Variants in SEMA3E observed in about 807,000 individuals in gnomAD.
SEMA3E encodes semaphorin 3E.
Under a neutral mutation model 93.6 loss-of-function variants are expected in SEMA3E, and 49 were observed. The observed-to-expected ratio is 0.52, with a 90% confidence interval of 0.42 to 0.66. The LOEUF (loss-of-function observed/expected upper bound fraction) is 0.66, where lower values mean the gene tolerates loss of function less well. Ranked by LOEUF, SEMA3E falls within the 30% of genes least tolerant of loss-of-function variation. The probability of loss-of-function intolerance (pLI) is 0.00; values close to 1 mark genes in which losing one functional copy is unlikely to be tolerated. For synonymous variants in SEMA3E, 363 were observed against 330.7 expected (o/e 1.10, Z -1.06); for missense variants, 906 against 964.8 (o/e 0.94, Z 0.81).
intron 4 of SEMA3E, among the ~76,000 whole-genome samples, chr7:83,430,987 AAAGG>A (rs1444750854): frequency 6.6e-6 from 1 of 152,120 alleles, no homozygotes; most frequent in Non-Finnish European, 1.5e-5. Context: ...ACAAAATAGA[AAAGG>A]AAGTGGCCAC....
chr7:83,624,055 C>T (rs1385583144), intron 1 of SEMA3E, among the ~76,000 whole-genome samples: 1 of 152,176 alleles, frequency 6.6e-6, no homozygotes, highest in African/African-American at 2.4e-5. Context: ...GGCATGAACT[C>T]ATTCTTTTTT....
chr7:83,622,525 GCA>G (rs1366100492), intron 1 of SEMA3E, among the ~76,000 whole-genome samples: 1 of 152,084 alleles, frequency 6.6e-6, no homozygotes, highest in East Asian at 1.9e-4. Flanking sequence ...AAAGATACAT[GCA>G]CACATATGTT....
In SEMA3E at chr7:83,392,619, G is replaced by C. The variant is rs1376614893; in HGVS notation, c.1603C>G (p.Pro535Ala). ...GATATGCCATCCCAGGCACAGTAAG[G>C]GTCTCGAGCCAGGCAGCAGTCAGCA... ...ACADCCLARD[P>A]YCAWDGISCS... The change falls in exon 14 of 17, where the codon CCT (proline) becomes GCT (alanine). Residue 535 changes from proline (P) to alanine (A), a missense_variant. Pro to Ala is a conservative substitution (Grantham distance 27). Coordinates refer to ENST00000643230, the MANE Select transcript of SEMA3E (RefSeq NM_012431.3). 5.0e-6 allele frequency: 8 copies of C among 1,613,818 alleles called. No homozygotes were observed. Among genetic ancestry groups the C allele is most frequent in the South Asian group, 1.1e-5 (1 of 91,064 alleles).
chr7:83,533,800 A>G (rs1317704550), intron 1 of SEMA3E, among the ~76,000 whole-genome samples: 1 of 152,078 alleles, frequency 6.6e-6, no homozygotes, highest in Non-Finnish European at 1.5e-5. Context: ...AAAAGTAGAA[A>G]GATATTTGGA....
chr7:83,421,076 T>C (rs1788662498), intron 4 of SEMA3E, among the ~76,000 whole-genome samples: 1 of 142,188 alleles, frequency 7.0e-6, no homozygotes. Flanking sequence ...CCAACAAAGG[T>C]TTAATATCCA....
intron 4 of SEMA3E, among the ~76,000 whole-genome samples, chr7:83,438,782 T>G (rs1480572226): frequency 6.6e-6 from 1 of 152,034 alleles, no homozygotes; most frequent in Non-Finnish European, 1.5e-5. Context: ...ATATGTAAGA[T>G]AAATAGGAGA....
At chr7:83,586,242 C>T (rs553195491) in intron 1 of SEMA3E, among the ~76,000 whole-genome samples, 47 of 152,192 alleles carry the variant, frequency 3.1e-4, no homozygotes, top group African/African-American at 1.0e-3. Flanking sequence ...AGAAAGCAAA[C>T]GTATCACTGC....
intron 2 of SEMA3E, among the ~76,000 whole-genome samples, chr7:83,477,151 A>G (rs1230476193): frequency 1.3e-5 from 2 of 152,158 alleles, no homozygotes; most frequent in Non-Finnish European, 2.9e-5. Flanking sequence ...TAATTTTTTA[A>G]TTGTCTAAAA....
intron 2 of SEMA3E, among the ~76,000 whole-genome samples, chr7:83,477,759 CCTTT>C (rs1488560800): frequency 6.6e-6 from 1 of 151,876 alleles, no homozygotes; most frequent in Non-Finnish European, 1.5e-5. Flanking sequence ...TACATAAATG[CCTTT>C]CTTCTACTCG....
intron 5 of SEMA3E, among the ~76,000 whole-genome samples, chr7:83,411,497 A>G (rs1788438016): frequency 6.6e-6 from 1 of 152,174 alleles, no homozygotes; most frequent in South Asian, 2.1e-4. Flanking sequence ...ATAGTAATTG[A>G]TAATAATTAT....
In SEMA3E at chr7:83,543,801, G is replaced by C. The variant is rs187410358; in HGVS notation, c.116-53527C>G. Among the ~76,000 whole-genome samples, 41 of 152,126 alleles carry C rather than the reference G, an allele frequency of 2.7e-4. No individual in the cohort carries two copies. The East Asian group carries it at 7.7e-3, about 29-fold the overall frequency. On this transcript the variant is annotated intron_variant, in intron 1 of 16. Coordinates refer to ENST00000643230, the MANE Select transcript of SEMA3E (RefSeq NM_012431.3). ...AATGAACAATGTTGACTTCATAATT[G>C]AGAACATACTCCCATTTTGCTAGGT...
At chr7:83,529,762 C>T (rs1459083330) in intron 1 of SEMA3E, among the ~76,000 whole-genome samples, 1 of 152,070 alleles carries the variant, frequency 6.6e-6, no homozygotes, top group Non-Finnish European at 1.5e-5. Context: ...AGTATTCTCT[C>T]AATAGTGCAA....
intron 1 of SEMA3E, among the ~76,000 whole-genome samples, chr7:83,572,450 C>T (rs1792306256): frequency 6.6e-6 from 1 of 151,986 alleles, no homozygotes; most frequent in South Asian, 2.1e-4. Flanking sequence ...ACCATCCTGG[C>T]CAACATGGTG....
intron 1 of SEMA3E, among the ~76,000 whole-genome samples, chr7:83,548,318 T>C (rs1791691421): frequency 6.6e-6 from 1 of 152,110 alleles, no homozygotes; most frequent in Non-Finnish European, 1.5e-5. Flanking sequence ...TTTCATGGCT[T>C]GCTAGAAACA....
intron 1 of SEMA3E, among the ~76,000 whole-genome samples, chr7:83,578,145 A>AC (rs1554340062): frequency 8.0e-6 from 1 of 124,794 alleles, no homozygotes; most frequent in East Asian, 2.2e-4. Flanking sequence ...GAGTTTTCTC[A>AC]TTAAAAAAAA....
chr7:83,640,369 T>G (rs1483649059), intron 1 of SEMA3E, among the ~76,000 whole-genome samples: 2 of 152,164 alleles, frequency 1.3e-5, no homozygotes, highest in African/African-American at 4.8e-5. Flanking sequence ...AACTGACATT[T>G]AACTCCAGTT....
chr7:83,466,013 C>A (rs1210120120), intron 4 of SEMA3E, among the ~76,000 whole-genome samples: 1 of 152,078 alleles, frequency 6.6e-6, no homozygotes, highest in Non-Finnish European at 1.5e-5. Flanking sequence ...GAAATCTTCC[C>A]TCCTCCTGCA....
chr7:83,569,200 G>A (rs1195127861), intron 1 of SEMA3E, among the ~76,000 whole-genome samples: 2 of 151,422 alleles, frequency 1.3e-5, no homozygotes, highest in African/African-American at 4.8e-5. Flanking sequence ...TCTCTACAAG[G>A]AAAATTACAA....
At chr7:83,537,506 A>G (rs1012599046) in intron 1 of SEMA3E, among the ~76,000 whole-genome samples, 2 of 152,124 alleles carry the variant, frequency 1.3e-5, no homozygotes, top group East Asian at 3.9e-4. Flanking sequence ...GAAATCAGGC[A>G]TGCTTTTATA....
Sources: gnomAD v4.1 joint callset for allele counts (sites outside exome capture counted in the v4.1 genomes callset) on GRCh38, gnomAD v4.1.1 for gene constraint, MANE v1.5 for transcripts, NCBI Gene and HGNC (gene_info 2026-07-23, HGNC 2026-07-21) for gene names.